SLC9B1: variants seen among roughly 807,000 people sequenced by gnomAD.
The protein encoded by SLC9B1 is sodium/hydrogen exchanger 9B1.
In SLC9B1, 32 loss-of-function variants were observed where a neutral mutation model predicts 51.7. The observed-to-expected ratio is 0.62, with a 90% CI of 0.47 to 0.83. SLC9B1 has a LOEUF of 0.83. SLC9B1 is among the 40% of genes least tolerant of loss of function. The probability of loss-of-function intolerance (pLI) is 0.00; values close to 1 mark genes in which losing one functional copy is unlikely to be tolerated. For missense variants in SLC9B1, 406 were observed against 613.2 expected, an observed-to-expected ratio of 0.66 and a Z score of 3.57; for synonymous variants, 145 against 212.7, an observed-to-expected ratio of 0.68 and a Z score of 2.77.
chr4:102,963,476 CAG>C (rs1440493758), intron 3 of SLC9B1: 2 of 164,928 alleles, frequency 1.2e-5, no homozygotes, highest in African/African-American at 2.4e-5. Flanking sequence ...AGGCACAGGG[CAG>C]AGTCATTTCA....
intron 10 of SLC9B1, 124 bp from the exon 11 acceptor site, chr4:102,905,774 T>C: frequency 1.2e-6 from 1 of 819,434 alleles, no homozygotes. Flanking sequence ...CATGTGCTTA[T>C]TTTTTACATA....
exon 12 of SLC9B1, chr4:102,885,163 T>G: frequency 7.3e-7 from 1 of 1,374,436 alleles, no homozygotes; most frequent in Non-Finnish European, 1.0e-6. Flanking sequence ...AGACATGCTA[T>G]TTTGAATTCT....
intron 3 of SLC9B1, among the ~76,000 whole-genome samples, chr4:102,977,391 T>C (rs1186803891): frequency 6.6e-6 from 1 of 151,794 alleles, no homozygotes; most frequent in East Asian, 1.9e-4. Context: ...ACTACACTGG[T>C]GTAAGTGACC....
chr4:103,006,664 C>T (rs993280138), intron 1 of SLC9B1, among the ~76,000 whole-genome samples: 1 of 151,976 alleles, frequency 6.6e-6, no homozygotes, highest in South Asian at 2.1e-4. Context: ...ATCCTGATAC[C>T]CAAACCTGGC....
At chr4:102,943,741 G>T (rs1239513986) in intron 6 of SLC9B1, among the ~76,000 whole-genome samples, 1 of 152,156 alleles carries the variant, frequency 6.6e-6, no homozygotes, top group Non-Finnish European at 1.5e-5. Context: ...GGGGACTTAG[G>T]GGGAAGAGTA....
intron 1 of SLC9B1, among the ~76,000 whole-genome samples, chr4:103,009,050 G>A (rs1391131979): frequency 1.3e-5 from 2 of 151,808 alleles, no homozygotes; most frequent in Non-Finnish European, 2.9e-5. Flanking sequence ...CGCCCACCTT[G>A]GCCTCCCAAA....
chr4:102,930,644 A>G (rs6816656), intron 7 of SLC9B1, among the ~76,000 whole-genome samples: 82,685 of 151,330 alleles, frequency 0.55, 23,115 homozygotes, highest in African/African-American at 0.68. Flanking sequence ...CCTGATCTCA[A>G]GTGATCCACC....
At chr4:102,964,873 A>G (rs1738339205) in intron 3 of SLC9B1, among the ~76,000 whole-genome samples, 1 of 152,178 alleles carries the variant, frequency 6.6e-6, no homozygotes, top group Non-Finnish European at 1.5e-5. Flanking sequence ...AGATTAGGAA[A>G]CATGCAAAGA....
intron 1 of SLC9B1, among the ~76,000 whole-genome samples, chr4:103,003,209 A>T (rs1740617830): frequency 6.6e-6 from 1 of 152,186 alleles, no homozygotes; most frequent in Non-Finnish European, 1.5e-5. Flanking sequence ...TTTCTAATAA[A>T]GGAAAGACCA....
chr4:103,006,282 G>A (rs1246660299), intron 1 of SLC9B1, among the ~76,000 whole-genome samples: 1 of 151,650 alleles, frequency 6.6e-6, no homozygotes, highest in Non-Finnish European at 1.5e-5. Context: ...AAAAAAGAGA[G>A]AACATCCCAA....
chr4:102,986,472 T>A (rs533358171), intron 3 of SLC9B1, among the ~76,000 whole-genome samples: 7 of 152,132 alleles, frequency 4.6e-5, no homozygotes, highest in Non-Finnish European at 8.8e-5. Context: ...TTTACCCTGT[T>A]TGGTCTTTTC....
In SLC9B1 at chr4:102,991,495, C is replaced by T. The variant is rs564625699; in HGVS notation, c.69+148G>A. 12 of 494,006 alleles carry T rather than the reference C, an allele frequency of 2.4e-5. No individual in the cohort carries two copies. In the South Asian group the frequency reaches 3.8e-4, roughly 16 times the overall value. 30.6% of individuals were successfully genotyped at this position (494,006 alleles called of 1,614,324 possible). A position where few individuals can be genotyped will look rare whatever the true frequency, so the allele number is the denominator to read the frequency against. On this transcript the variant is annotated intron_variant, in intron 2 of 11. Coordinates refer to ENST00000296422, the MANE Select transcript of SLC9B1 (RefSeq NM_139173.4). Reference sequence around the variant, plus strand: ...CATTATTTCTGCTCATTTCCTAGGACCCATTACAACTAGCTATTTTAAAAT... The same window carrying T: ...CATTATTTCTGCTCATTTCCTAGGATCCATTACAACTAGCTATTTTAAAAT...
At chr4:102,886,609 A>G (rs997955535) in intron 11 of SLC9B1, among the ~76,000 whole-genome samples, 3 of 152,038 alleles carry the variant, frequency 2.0e-5, no homozygotes, top group Non-Finnish European at 2.9e-5. Context: ...ATTTATTTTT[A>G]TTTATTCTTT....
intron 6 of SLC9B1, among the ~76,000 whole-genome samples, chr4:102,937,427 A>C (rs1183869257): frequency 2.0e-5 from 3 of 147,712 alleles, no homozygotes; most frequent in East Asian, 4.0e-4. Flanking sequence ...AAAAAAAAAA[A>C]AAAAAAAAAA....
At chr4:102,887,057 A>G (rs933859376) in intron 11 of SLC9B1, among the ~76,000 whole-genome samples, 4 of 152,244 alleles carry the variant, frequency 2.6e-5, no homozygotes, top group African/African-American at 9.6e-5. Context: ...CAAATGACCA[A>G]GAACTTATTC....
At chr4:102,905,209 G>GTTTATTTATTTATTTA (rs138082740) in intron 11 of SLC9B1, among the ~76,000 whole-genome samples, 21,915 of 145,896 alleles carry the variant, frequency 0.15, 2,352 homozygotes, top group African/African-American at 0.3. Flanking sequence ...CTTTGTTTTT[G>GTTTATTTATTTATTTA]TTTATTTATT....
intron 2 of SLC9B1, 116 bp downstream of exon 2, chr4:102,991,527 C>CT: frequency 1.6e-6 from 1 of 641,632 alleles, no homozygotes; most frequent in Non-Finnish European, 2.4e-6. Flanking sequence ...AAATTTACCA[C>CT]TTTTCATTTT....
chr4:102,973,465 C>A (rs764258206), intron 3 of SLC9B1, among the ~76,000 whole-genome samples: 1 of 151,988 alleles, frequency 6.6e-6, no homozygotes. Flanking sequence ...AAACTTAAAC[C>A]TCTGAGTCAA....
chr4:102,918,173 G>GA (rs1040407904), intron 7 of SLC9B1, among the ~76,000 whole-genome samples: 2 of 139,686 alleles, frequency 1.4e-5, no homozygotes, highest in Non-Finnish European at 3.1e-5. Context: ...GAATATTTAA[G>GA]AAAAAAAATA....
Sources: allele counts gnomAD v4.1 joint callset (sites outside exome capture counted in the v4.1 genomes callset), GRCh38; gene constraint gnomAD v4.1.1; transcripts MANE v1.5; gene names NCBI Gene and HGNC (gene_info 2026-07-23, HGNC 2026-07-21).